MGAM2: variants seen among roughly 807,000 people sequenced by gnomAD.
MGAM2 encodes the protein maltase-glucoamylase 2 (putative).
Under a neutral mutation model 96.1 loss-of-function variants are expected in MGAM2, and 98 were observed. The ratio of observed to expected loss-of-function variants is 1.02; its 90% CI spans 0.87 to 1.21. The LOEUF is 1.21. Among genes scored for constraint, MGAM2 ranks in the 50% most tolerant of loss-of-function variants. The probability of loss-of-function intolerance (pLI) is 0.00; values close to 1 mark genes in which losing one functional copy is unlikely to be tolerated. For synonymous variants in MGAM2, 749 were observed against 414.8 expected (o/e 1.81, Z -9.79); for missense variants, 2,055 against 1,182.4 (o/e 1.74, Z -10.82).
At chr7:142,212,997 G>A (rs1263981129) in intron 46 of MGAM2, among the ~76,000 whole-genome samples, 2 of 152,158 alleles carry the variant, frequency 1.3e-5, no homozygotes, top group Non-Finnish European at 2.9e-5. Flanking sequence ...TCAGACCGCA[G>A]TGCAATCAAA....
chr7:142,206,403 T>C, intron 45 of MGAM2, among the ~76,000 whole-genome samples: 1 of 152,246 alleles, frequency 6.6e-6, no homozygotes, highest in Non-Finnish European at 1.5e-5. Flanking sequence ...AAAGTTATCT[T>C]CAAGATAACT....
intron 12 of MGAM2, among the ~76,000 whole-genome samples, chr7:142,142,172 T>G (rs1410279875): frequency 6.7e-6 from 1 of 149,880 alleles, no homozygotes; most frequent in Non-Finnish European, 1.5e-5. Context: ...TTTTTTTTCA[T>G]TGATTCTAAC....
rs1329024909 is a variant in MGAM2 at position 142,221,660 on chromosome 7, C to T, written c.7149C>T (p.His2383=). 4.4e-6 allele frequency: 2 copies of T among 452,264 alleles called. No individual in the cohort carries two copies. The highest frequency in any genetic ancestry group is 7.7e-6 in the Non-Finnish European group (2 of 258,284). 28.0% of individuals were successfully genotyped at this position (452,264 alleles called of 1,614,324 possible). A position where few individuals can be genotyped will look rare whatever the true frequency, so the allele number is the denominator to read the frequency against. The change falls in exon 48 of 48, where the codon CAC becomes CAT. Residue 2383 remains histidine, a synonymous_variant. Coordinates refer to ENST00000477922, the MANE Select transcript of MGAM2 (RefSeq NM_001293626.2). ...CTTCCATAGACAAATTCACCACACA[C>T]ATCACACAGTTCGCTACTCCCCATT... is the stretch of plus-strand genomic sequence containing the variant. ...TVTSIDKFTT[H]ITQFATPHSA...
intron 19 of MGAM2, among the ~76,000 whole-genome samples, chr7:142,158,905 G>A (rs929708846): frequency 2.0e-5 from 3 of 152,110 alleles, no homozygotes; most frequent in Admixed American, 6.5e-5. Context: ...CATGTCAAAG[G>A]CCCTTTGAGC....
At chr7:142,113,907 G>A (rs111464534) in intron 1 of MGAM2, among the ~76,000 whole-genome samples, 33,664 of 151,594 alleles carry the variant, frequency 0.22, 4,590 homozygotes, top group African/African-American at 0.37. Flanking sequence ...CAAGGCGGGC[G>A]GATCACCTGA....
In MGAM2 at chr7:142,198,143, C is replaced by T. The variant is rs1336339928; in HGVS notation, c.4871C>T (p.Thr1624Ile). ...CATGTCAATTTTATGTTTCAGAGCA[C>T]ATTTGAGATCTCTGCTTATTTTCCG... ...ILISPVLETS[T>I]FEISAYFPRA... The change falls in exon 43 of 48, where the codon ACA becomes ATA. Residue 1624 changes from threonine to isoleucine, a missense_variant. Coordinates refer to ENST00000477922, the MANE Select transcript of MGAM2 (RefSeq NM_001293626.2). 5.7e-6 allele frequency: 4 copies of T among 702,726 alleles called. No homozygotes were observed. In the Admixed American group the frequency reaches 6.0e-5, roughly 11 times the overall value. 43.5% of individuals were successfully genotyped at this position (702,726 alleles called of 1,614,324 possible).
chr7:142,143,743 T>C (rs1281296001), intron 12 of MGAM2, 26 bp from the exon 13 acceptor site: 2 of 549,598 alleles, frequency 3.6e-6, no homozygotes, highest in Non-Finnish European at 6.7e-6. Flanking sequence ...CCAAGCTGAT[T>C]GCCACTGCCT....
Position 142,196,261 on chromosome 7 carries a change from G to A in MGAM2, c.4454G>A (p.Trp1485Ter). ...GHRLGNNTAA[W>*]DQLGKSIIGM... ...CGGTTGGGAAACAACACAGCTGCAT[G>A]GGACCAGCTGGGGAAATCTATCATT... The change falls in exon 38 of 48, where the codon TGG becomes TAG. Residue 1485 changes from tryptophan (W) to a stop codon, truncating the protein, a stop_gained. Coordinates refer to ENST00000477922, the MANE Select transcript of MGAM2 (RefSeq NM_001293626.2). LOFTEE classifies it high-confidence loss of function. The A allele has an allele frequency of 2.5e-6, 2 of 784,454 alleles. No homozygotes were observed. The highest frequency in any genetic ancestry group is 2.2e-4 in the Middle Eastern group (1 of 4,506). 48.6% of individuals were successfully genotyped at this position (784,454 alleles called of 1,614,324 possible). A position where few individuals can be genotyped will look rare whatever the true frequency, so the allele number is the denominator to read the frequency against.
At chr7:142,206,429 A>G (rs1797402386) in intron 45 of MGAM2, among the ~76,000 whole-genome samples, 1 of 152,162 alleles carries the variant, frequency 6.6e-6, no homozygotes, top group South Asian at 2.1e-4. Flanking sequence ...ATCTCTAAAT[A>G]TTGTAAAATG....
At chr7:142,121,329 C>T (rs1462560502) in intron 3 of MGAM2, among the ~76,000 whole-genome samples, 2 of 152,122 alleles carry the variant, frequency 1.3e-5, no homozygotes, top group African/African-American at 4.8e-5. Context: ...AGGCACCTGC[C>T]ACCATGCCCA....
At position 142,218,402 on chromosome 7, in the gene MGAM2, T is replaced by C. The variant is rs1386237070; in HGVS notation, c.5229T>C (p.Ser1743=). The change falls in exon 47 of 48, where the codon AGT becomes AGC. Residue 1743 remains serine, a synonymous_variant. Coordinates refer to ENST00000477922, the MANE Select transcript of MGAM2 (RefSeq NM_001293626.2). ...QIQTIHNKYL[S]DSNPLKVGYI... is the part of the protein sequence containing the mutation. Reference sequence around the variant, plus strand: ...AGACCATACACAATAAGTATTTGAGTGACTCGAATCCACTAAAAGTTGGGT... The same window carrying C: ...AGACCATACACAATAAGTATTTGAGCGACTCGAATCCACTAAAAGTTGGGT... 2 of 702,150 alleles carry C rather than the reference T, an allele frequency of 2.8e-6. No individual in the cohort carries two copies. Among genetic ancestry groups the C allele is most frequent in the Non-Finnish European group, 5.2e-6 (2 of 384,752 alleles). 43.5% of individuals were successfully genotyped at this position (702,150 alleles called of 1,614,324 possible).
rs1028996216 is a variant in MGAM2, at chr7:142,172,667, C to T, written c.3464C>T (p.Pro1155Leu). Reference sequence around the variant, plus strand: ...TTTCTTACAGATGTGACATTACAGCCCACTCCTGCTCTGACATACCGCACC... The same window carrying T: ...TTTCTTACAGATGTGACATTACAGCTCACTCCTGCTCTGACATACCGCACC... ...NSNAMDVTLQ[P>L]TPALTYRTTG... Residue 1155 changes from proline (P) to leucine (L), a missense_variant, in exon 30 of 48, where the codon CCC becomes CTC. Transcript: ENST00000477922. 2.8e-6 allele frequency: 2 copies of T among 703,154 alleles called. No individual in the cohort carries two copies. The highest frequency in any genetic ancestry group is 2.0e-5 in the Admixed American group (1 of 49,790). 43.6% of individuals were successfully genotyped at this position (703,154 alleles called of 1,614,324 possible). A position where few individuals can be genotyped will look rare whatever the true frequency, so the allele number is the denominator to read the frequency against.
intron 19 of MGAM2, 45 bp downstream of exon 19, chr7:142,158,377 C>T (rs1795797899): frequency 4.3e-6 from 3 of 701,916 alleles, no homozygotes; most frequent in Non-Finnish European, 7.8e-6. Flanking sequence ...TGCACTTGTC[C>T]TCATGGTTCT....
At chr7:142,177,215 A>T (rs1371815039) in intron 32 of MGAM2, among the ~76,000 whole-genome samples, 1 of 152,218 alleles carries the variant, frequency 6.6e-6, no homozygotes, top group Non-Finnish European at 1.5e-5. Flanking sequence ...TCATGGCAGA[A>T]GGTGAAAGGC....
chr7:142,184,933 G>T, intron 33 of MGAM2, 144 bp from the exon 34 acceptor site: 1 of 464,776 alleles, frequency 2.2e-6, no homozygotes, highest in Non-Finnish European at 3.8e-6. Flanking sequence ...TAATTTTGTA[G>T]ATTCAGCCTT....
At chr7:142,192,867 C>A (rs1796913988) in intron 37 of MGAM2, among the ~76,000 whole-genome samples, 1 of 152,196 alleles carries the variant, frequency 6.6e-6, no homozygotes, top group African/African-American at 2.4e-5. Flanking sequence ...GCTGTGAAAT[C>A]TTCTAACTAA....
At chr7:142,167,065 G>A (rs1796048099) in intron 25 of MGAM2, among the ~76,000 whole-genome samples, 1 of 152,140 alleles carries the variant, frequency 6.6e-6, no homozygotes, top group Admixed American at 6.5e-5. Flanking sequence ...ATCTTAATTT[G>A]TTCATTGCAG....
chr7:142,202,714 T>G (rs1797278253), intron 45 of MGAM2, among the ~76,000 whole-genome samples: 1 of 152,188 alleles, frequency 6.6e-6, no homozygotes, highest in African/African-American at 2.4e-5. Flanking sequence ...TATCCAATCC[T>G]TTGCTGATAG....
At chr7:142,136,299 A>G (rs1429468912) in intron 7 of MGAM2, among the ~76,000 whole-genome samples, 3 of 152,132 alleles carry the variant, frequency 2.0e-5, no homozygotes, top group African/African-American at 7.2e-5. Flanking sequence ...AGGTTTATTT[A>G]TATTGCAGTG....
Sources: gnomAD v4.1 joint callset for allele counts (sites outside exome capture counted in the v4.1 genomes callset) on GRCh38, gnomAD v4.1.1 for gene constraint, MANE v1.5 for transcripts, NCBI Gene and HGNC (gene_info 2026-07-23, HGNC 2026-07-21) for gene names.